PREX2: variants seen among roughly 807,000 people sequenced by gnomAD.
The protein encoded by PREX2 is phosphatidylinositol-3,4,5-trisphosphate dependent Rac exchange factor 2, also known as phosphatidylinositol 3,4,5-trisphosphate-dependent Rac exchanger 2 protein.
Under a neutral mutation model 203.2 loss-of-function variants are expected in PREX2, and 107 were observed. The ratio of observed to expected loss-of-function variants is 0.53; its 90% CI spans 0.45 to 0.62. The LOEUF is 0.62. Among genes scored for constraint, PREX2 ranks in the 20% least tolerant of loss-of-function variants. The pLI is 0.00. For synonymous variants in PREX2, 672 were observed against 663.6 expected (o/e 1.01, Z -0.19); for missense variants, 1,777 against 1,955.9 (o/e 0.91, Z 1.72).
chr8:67,975,272 G>GTTTTTTTTTTTTT lies in PREX2; in HGVS notation c.141+22752_141+22764dup, dbSNP rs75276095. Among the ~76,000 whole-genome samples the GTTTTTTTTTTTTT allele has an allele frequency of 3.1e-5, 3 of 96,822 alleles. 1 individual carries two copies. The highest frequency in any genetic ancestry group is 6.1e-5 in the Non-Finnish European group (3 of 49,238). The allele number at this position is 96,822 out of a possible 152,430, so 63.5% of individuals were successfully genotyped here. On this transcript the variant is annotated intron_variant, in intron 1 of 39. Transcript: ENST00000288368. ...GGCTGATGTTACCTGCACACGGCCT[G>GTTTTTTTTTTTTT]TTTTTTTTTTTTTTTTTTTTTTTTT...
chr8:68,198,427 A>C (rs1812441522), intron 37 of PREX2, among the ~76,000 whole-genome samples: 1 of 152,162 alleles, frequency 6.6e-6, no homozygotes, highest in South Asian at 2.1e-4. Context: ...TTTTGTACCC[A>C]TGCCAGTTAT....
chr8:68,181,783 A>G (rs1419600250), intron 35 of PREX2, among the ~76,000 whole-genome samples: 2 of 152,146 alleles, frequency 1.3e-5, no homozygotes, highest in Non-Finnish European at 2.9e-5. Flanking sequence ...AATTAATTAT[A>G]CATTTATTTA....
chr8:68,106,805 G>A (rs1810422667), intron 23 of PREX2, among the ~76,000 whole-genome samples: 2 of 152,108 alleles, frequency 1.3e-5, no homozygotes, highest in Admixed American at 1.3e-4. Context: ...ATAGGATCAT[G>A]GTTATAGTTT....
intron 35 of PREX2, among the ~76,000 whole-genome samples, chr8:68,163,417 A>G (rs1484502679): frequency 6.6e-6 from 1 of 152,172 alleles, no homozygotes; most frequent in Non-Finnish European, 1.5e-5. Flanking sequence ...GAATTTGGGT[A>G]TGTTAGAGGA....
chr8:68,014,877 C>T (rs932488337), intron 1 of PREX2, among the ~76,000 whole-genome samples: 1 of 152,192 alleles, frequency 6.6e-6, no homozygotes, highest in African/African-American at 2.4e-5. Context: ...CTAAATTAAT[C>T]TGCTGAGTCA....
intron 35 of PREX2, 128 bp from the exon 36 acceptor site, chr8:68,191,594 C>A: frequency 1.5e-6 from 1 of 651,248 alleles, no homozygotes; most frequent in Non-Finnish European, 2.7e-6. Flanking sequence ...CAACCCCAAC[C>A]TTCTAATGTT....
chr8:68,021,948 T>C (rs1293022468), intron 3 of PREX2, 88 bp from the exon 4 acceptor site: 1 of 695,044 alleles, frequency 1.4e-6, no homozygotes. Context: ...TAGTAAACAC[T>C]CAGTGAAGTT....
At chr8:68,131,349 G>A (rs184123866) in intron 31 of PREX2, among the ~76,000 whole-genome samples, 133 of 152,258 alleles carry the variant, frequency 8.7e-4, no homozygotes, top group Middle Eastern at 3.4e-3. Context: ...GAATCTGTGC[G>A]AACAATTCAT....
At chr8:68,191,839 CT>C in intron 36 of PREX2, 51 bp downstream of exon 36, 1 of 1,249,834 alleles carries the variant, frequency 8.0e-7, no homozygotes, top group Non-Finnish European at 1.2e-6. Flanking sequence ...AAATATCTCC[CT>C]TTTTAATTTT....
At chr8:68,058,055 C>CT (rs2129611261) in intron 10 of PREX2, among the ~76,000 whole-genome samples, 1 of 152,332 alleles carries the variant, frequency 6.6e-6, no homozygotes, top group Admixed American at 6.5e-5. Context: ...TAACAGCACA[C>CT]TACTGCCGCT....
chr8:68,196,604 G>A (rs72662927), intron 37 of PREX2, among the ~76,000 whole-genome samples: 12,472 of 151,364 alleles, frequency 0.082, 547 homozygotes, highest in Middle Eastern at 0.14. Flanking sequence ...AATGTAAACC[G>A]CAATGTTGAA....
At chr8:68,185,031 C>A (rs1812162025) in intron 35 of PREX2, among the ~76,000 whole-genome samples, 1 of 152,164 alleles carries the variant, frequency 6.6e-6, no homozygotes, top group African/African-American at 2.4e-5. Flanking sequence ...CCTCAGACTC[C>A]TTTACTCTGT....
chr8:68,044,389 T>A, intron 7 of PREX2, 98 bp from the exon 8 acceptor site: 1 of 764,544 alleles, frequency 1.3e-6, no homozygotes, highest in Non-Finnish European at 2.2e-6. Flanking sequence ...GTCGATTGAA[T>A]TGGTGTCTTT....
At chr8:67,964,358 C>T (rs775259800) in intron 1 of PREX2, among the ~76,000 whole-genome samples, 67 of 152,182 alleles carry the variant, frequency 4.4e-4, no homozygotes, top group Non-Finnish European at 8.4e-4. Context: ...GAGTTCTACA[C>T]TGAAATAATG....
intron 37 of PREX2, among the ~76,000 whole-genome samples, chr8:68,205,464 G>A (rs139507019): frequency 6.6e-6 from 1 of 152,300 alleles, no homozygotes; most frequent in African/African-American, 2.4e-5. Context: ...GGTGAATAAG[G>A]TGGGAAAGTC....
intron 1 of PREX2, chr8:67,952,759 G>A (rs1323688228): frequency 4.6e-6 from 3 of 655,212 alleles, no homozygotes; most frequent in Non-Finnish European, 8.1e-6. Context: ...GGGCCTTGGA[G>A]ACCTCCAGGT....
chr8:68,089,591 G>T (rs910783469), intron 19 of PREX2, among the ~76,000 whole-genome samples: 11 of 152,132 alleles, frequency 7.2e-5, no homozygotes, highest in Admixed American at 6.5e-4. Context: ...TTTTCAGGCT[G>T]TTCTTTCTGC....
At chr8:68,106,602 T>C (rs966544665) in intron 23 of PREX2, among the ~76,000 whole-genome samples, 7 of 151,984 alleles carry the variant, frequency 4.6e-5, no homozygotes, top group Non-Finnish European at 8.8e-5. Context: ...TGTATATATA[T>C]CACATATATA....
chr8:67,965,388 T>C (rs2129017961), intron 1 of PREX2, among the ~76,000 whole-genome samples: 1 of 152,308 alleles, frequency 6.6e-6, no homozygotes, highest in South Asian at 2.1e-4. Context: ...GCTTTGTGTT[T>C]AAATATAGCT....
Sources: allele counts gnomAD v4.1 joint callset (sites outside exome capture counted in the v4.1 genomes callset), GRCh38; gene constraint gnomAD v4.1.1; transcripts MANE v1.5; gene names NCBI Gene and HGNC (gene_info 2026-07-23, HGNC 2026-07-21).